The following OCA2 variants were observed in gnomAD, a reference collection of about 807,000 sequenced individuals.
OCA2 encodes the protein P protein.
OCA2 carries 77 observed loss-of-function variants against 100.2 expected under a neutral mutation model. The observed-to-expected ratio is 0.77, with a 90% confidence interval of 0.64 to 0.93. OCA2 has a LOEUF of 0.93. Ranked by LOEUF, OCA2 falls within the 40% of genes least tolerant of loss-of-function variation. The pLI is 0.00. For missense variants in OCA2, 1,062 were observed against 1,089.1 expected (o/e 0.98, Z 0.35); for synonymous variants, 432 against 439.2 (o/e 0.98, Z 0.21).
At chr15:28,004,185 G>GA (rs1248776137) in intron 9 of OCA2, among the ~76,000 whole-genome samples, 2 of 152,216 alleles carry the variant, frequency 1.3e-5, no homozygotes, top group Non-Finnish European at 2.9e-5. Context: ...CTACGACATC[G>GA]AAAGACCTGT....
At chr15:27,800,953 T>A (rs1198992307) in intron 23 of OCA2, among the ~76,000 whole-genome samples, 1 of 152,018 alleles carries the variant, frequency 6.6e-6, no homozygotes, top group Non-Finnish European at 1.5e-5. Flanking sequence ...GGCAACAGAG[T>A]GAGACCCTAC....
intron 23 of OCA2, among the ~76,000 whole-genome samples, chr15:27,836,649 A>G (rs1320130188): frequency 1.3e-5 from 2 of 152,230 alleles, no homozygotes; most frequent in African/African-American, 4.8e-5. Context: ...TTGACCTTTG[A>G]GAAAATATGA....
intron 18 of OCA2, among the ~76,000 whole-genome samples, chr15:27,933,028 G>A (rs2039312290): frequency 6.6e-6 from 1 of 151,684 alleles, no homozygotes; most frequent in African/African-American, 2.4e-5. Context: ...AAATAAACAC[G>A]TATGCTTATG....
intron 23 of OCA2, among the ~76,000 whole-genome samples, chr15:27,829,259 G>GACAAGAGAT (rs2034851867): frequency 7.5e-6 from 1 of 133,148 alleles, no homozygotes. Context: ...GATTGATAGA[G>GACAAGAGAT]ACAAGAGATA....
At chr15:27,951,699 C>T in intron 18 of OCA2, 85 bp downstream of exon 18, 2 of 1,026,542 alleles carry the variant, frequency 1.9e-6, no homozygotes, top group Non-Finnish European at 3.0e-6. Flanking sequence ...TGCCTGTGGG[C>T]AAAGTCAGTG....
At chr15:27,836,408 T>G (rs918121831) in intron 23 of OCA2, among the ~76,000 whole-genome samples, 1 of 145,814 alleles carries the variant, frequency 6.9e-6, no homozygotes, top group Non-Finnish European at 1.5e-5. Context: ...TGTCTTTTCT[T>G]TCTTCTCTTT....
At chr15:28,081,092 C>T (rs183229577) in intron 2 of OCA2, among the ~76,000 whole-genome samples, 21 of 152,208 alleles carry the variant, frequency 1.4e-4, no homozygotes, top group Admixed American at 3.3e-4. Context: ...TCGGACCACA[C>T]AGGGGCGGGA....
In OCA2 at chr15:28,042,369, G is replaced by A. The variant is rs185006707; in HGVS notation, c.228-10206C>T. On this transcript the variant is annotated intron_variant, in intron 2 of 23. Coordinates refer to ENST00000354638, the MANE Select transcript of OCA2 (RefSeq NM_000275.3). Reference sequence around the variant, plus strand: ...GGGCCAGGTGCGGTGGCTCACGCCTGTAATCCCAGCACTTTGGGAGGCCAA... The same window carrying A: ...GGGCCAGGTGCGGTGGCTCACGCCTATAATCCCAGCACTTTGGGAGGCCAA... 2.0e-3 allele frequency among the ~76,000 whole-genome samples: 299 copies of A among 151,756 alleles called. 1 individual carries two copies. The highest frequency in any genetic ancestry group is 6.7e-3 in the African/African-American group (277 of 41,398).
chr15:27,815,119 A>G (rs2034246694), intron 23 of OCA2, among the ~76,000 whole-genome samples: 1 of 152,184 alleles, frequency 6.6e-6, no homozygotes, highest in African/African-American at 2.4e-5. Flanking sequence ...GTCCAGTAAG[A>G]TAACAGAAAG....
intron 2 of OCA2, 103 bp from the exon 3 acceptor site, chr15:28,032,266 T>C (rs1357093978): frequency 3.2e-6 from 3 of 926,408 alleles, no homozygotes; most frequent in Non-Finnish European, 5.3e-6. Context: ...GATTCAGTGA[T>C]AAATCTTACA....
the OCA2 span, among the ~76,000 whole-genome samples, chr15:27,719,178 G>C: frequency 6.6e-6 from 1 of 152,188 alleles, no homozygotes; most frequent in Non-Finnish European, 1.5e-5. Context: ...GTTCAAGTCT[G>C]AGATCTTGAA....
intron 23 of OCA2, among the ~76,000 whole-genome samples, chr15:27,801,716 T>C (rs1471160332): frequency 6.6e-6 from 1 of 151,958 alleles, no homozygotes; most frequent in Non-Finnish European, 1.5e-5. Context: ...ATAGAAGGCA[T>C]TTGAAAAACT....
chr15:27,730,133 A>G, the OCA2 span, among the ~76,000 whole-genome samples: 1 of 152,258 alleles, frequency 6.6e-6, no homozygotes, highest in African/African-American at 2.4e-5. Flanking sequence ...TAATCAATCT[A>G]CTAAAAACTG....
chr15:27,946,908 T>TC (rs1419814270), intron 18 of OCA2, among the ~76,000 whole-genome samples: 1 of 152,166 alleles, frequency 6.6e-6, no homozygotes, highest in Non-Finnish European at 1.5e-5. Context: ...TGACTGTGGG[T>TC]CCTACAACTC....
intron 21 of OCA2, among the ~76,000 whole-genome samples, chr15:27,855,990 C>A (rs191549258): frequency 6.6e-6 from 1 of 152,112 alleles, no homozygotes; most frequent in Non-Finnish European, 1.5e-5. Flanking sequence ...GCTCTGAAGG[C>A]GAGAGTGTGA....
intron 18 of OCA2, among the ~76,000 whole-genome samples, chr15:27,941,352 C>T (rs1028980127): frequency 1.2e-4 from 18 of 152,146 alleles, no homozygotes; most frequent in African/African-American, 4.1e-4. Flanking sequence ...TTCTGAAAAT[C>T]CACAGTTTAA....
intron 23 of OCA2, among the ~76,000 whole-genome samples, chr15:27,804,758 C>A (rs1328002364): frequency 2.0e-5 from 3 of 152,180 alleles, no homozygotes; most frequent in Non-Finnish European, 4.4e-5. Flanking sequence ...TCCCCTTGGC[C>A]AGGAAAGACC....
chr15:28,017,557 C>T (rs1423485447), intron 7 of OCA2, among the ~76,000 whole-genome samples: 2 of 152,138 alleles, frequency 1.3e-5, no homozygotes, highest in Non-Finnish European at 2.9e-5. Flanking sequence ...CCAGGGCAGC[C>T]GGTTCAGAAC....
the OCA2 span, among the ~76,000 whole-genome samples, chr15:27,726,048 G>A: frequency 1.3e-5 from 2 of 151,958 alleles, no homozygotes; most frequent in South Asian, 4.2e-4. Context: ...TGTAATCCCA[G>A]CACTTTGGGA....
Sources: allele counts gnomAD v4.1 joint callset (sites outside exome capture counted in the v4.1 genomes callset), GRCh38; gene constraint gnomAD v4.1.1; transcripts MANE v1.5; gene names NCBI Gene and HGNC (gene_info 2026-07-23, HGNC 2026-07-21).